ARID1B: variants seen among roughly 807,000 people sequenced by gnomAD.
The protein encoded by ARID1B is AT-rich interactive domain-containing protein 1B.
In ARID1B, 30 loss-of-function variants were observed where a neutral mutation model predicts 212.3. The ratio of observed to expected loss-of-function variants is 0.14; its 90% CI spans 0.11 to 0.19. The LOEUF (loss-of-function observed/expected upper bound fraction) is 0.19. Ranked by LOEUF, ARID1B falls within the 10% of genes least tolerant of loss-of-function variation. The pLI is 1.00. For synonymous variants in ARID1B, 1,402 were observed against 1,301.7 expected (o/e 1.08, Z -1.66); for missense variants, 2,891 against 3,204.0 (o/e 0.90, Z 2.36).
At chr6:157,079,820 AC>A (rs1193343300) in intron 4 of ARID1B, among the ~76,000 whole-genome samples, 1 of 152,214 alleles carries the variant, frequency 6.6e-6, no homozygotes, top group African/African-American at 2.4e-5. Flanking sequence ...AGAAGTCACT[AC>A]CCTTAAGAAG....
chr6:157,141,497 G>A (rs191435670), intron 7 of ARID1B, among the ~76,000 whole-genome samples: 21 of 152,236 alleles, frequency 1.4e-4, no homozygotes, highest in Admixed American at 1.2e-3. Context: ...TGCAACTTGC[G>A]GTAAGTCAGC....
intron 4 of ARID1B, among the ~76,000 whole-genome samples, chr6:157,001,321 A>T (rs1778901111): frequency 6.6e-6 from 1 of 152,168 alleles, no homozygotes; most frequent in Non-Finnish European, 1.5e-5. Context: ...CCGAGATCGA[A>T]TCTGTGTTAA....
At chr6:157,197,669 A>G (rs1583494243) in intron 16 of ARID1B, among the ~76,000 whole-genome samples, 1 of 152,204 alleles carries the variant, frequency 6.6e-6, no homozygotes, top group Admixed American at 6.5e-5. Context: ...CAAGGATTTC[A>G]GTTAGGTTTG....
chr6:156,998,912 C>T (rs1023087841), intron 4 of ARID1B, among the ~76,000 whole-genome samples: 4 of 152,158 alleles, frequency 2.6e-5, no homozygotes, highest in Admixed American at 6.5e-5. Flanking sequence ...GAGAAAATAC[C>T]GTGGAGCCTT....
At chr6:156,900,489 C>G (rs980564085) in intron 2 of ARID1B, among the ~76,000 whole-genome samples, 2 of 152,148 alleles carry the variant, frequency 1.3e-5, no homozygotes, top group African/African-American at 4.8e-5. Flanking sequence ...TTGAAGTTCT[C>G]CAGTGGACCA....
At position 157,201,499 on chromosome 6, in the gene ARID1B, C is replaced by A. The variant is rs1163700949; in HGVS notation, c.5263+11C>A. 6.7e-7 allele frequency: 1 copy of A among 1,493,078 alleles called. No individual in the cohort carries two copies. Among genetic ancestry groups the A allele is most frequent in the South Asian group, 1.4e-5 (1 of 70,812 alleles). 92.5% of individuals were successfully genotyped at this position (1,493,078 alleles called of 1,614,324 possible). ...CCTCCAAAGATATCGGTAAGAATTC[C>A]AAAGCTTTCATTCTGAAATGAATTC... On this transcript the variant is annotated intron_variant, in intron 18 of 19. Transcript: ENST00000636930. The surrounding 1 kb of genome is among the most constrained non-coding windows in gnomAD (Gnocchi z 5.2).
chr6:157,122,443 A>G (rs1198092420), intron 6 of ARID1B, among the ~76,000 whole-genome samples: 1 of 152,246 alleles, frequency 6.6e-6, no homozygotes, highest in Non-Finnish European at 1.5e-5. Flanking sequence ...TATTAGATAT[A>G]CAAAATGTGG....
intron 1 of ARID1B, among the ~76,000 whole-genome samples, chr6:156,809,086 T>C (rs1471071000): frequency 6.6e-6 from 1 of 152,236 alleles, no homozygotes; most frequent in Admixed American, 6.5e-5. Flanking sequence ...CCTAATTTTA[T>C]AAAGTATCAG....
intron 8 of ARID1B, chr6:157,149,432 A>G (rs1790043421): frequency 6.3e-6 from 1 of 158,970 alleles, no homozygotes; most frequent in Non-Finnish European, 1.4e-5. Flanking sequence ...GTGTTTGTCT[A>G]AATGTATATG....
intron 4 of ARID1B, among the ~76,000 whole-genome samples, chr6:156,988,218 G>C (rs528343489): frequency 2.0e-5 from 3 of 152,158 alleles, no homozygotes; most frequent in Non-Finnish European, 4.4e-5. Flanking sequence ...AGTTTAAGGG[G>C]ATAGGATAAA....
intron 4 of ARID1B, among the ~76,000 whole-genome samples, chr6:157,003,680 G>A (rs918073165): frequency 2.6e-5 from 4 of 152,048 alleles, no homozygotes; most frequent in African/African-American, 9.7e-5. Context: ...AAGTAACATC[G>A]AGTCTTCTTA....
At chr6:156,995,972 T>C (rs971243220) in intron 4 of ARID1B, among the ~76,000 whole-genome samples, 4 of 152,160 alleles carry the variant, frequency 2.6e-5, no homozygotes, top group Admixed American at 1.3e-4. Context: ...CCCTGTGATA[T>C]AAGCTGCGGA....
At chr6:156,996,926 A>C (rs879560596) in intron 4 of ARID1B, among the ~76,000 whole-genome samples, 2 of 152,176 alleles carry the variant, frequency 1.3e-5, no homozygotes, top group Non-Finnish European at 2.9e-5. Context: ...TACGACTTAA[A>C]AGTTTCTGAG....
Position 157,208,204 on chromosome 6 carries a change from T to C in ARID1B, c.*313T>C, listed in dbSNP as rs1794604292. On this transcript the variant is annotated 3_prime_UTR_variant, in exon 20 of 20. Transcript: ENST00000636930. Reference sequence around the variant, plus strand: ...CAGATCTTTTTAATGTTCTTTCCCATGTTGTATTGCATTTTTGGGGGAAGC... The same window carrying C: ...CAGATCTTTTTAATGTTCTTTCCCACGTTGTATTGCATTTTTGGGGGAAGC... The C allele has an allele frequency of 3.7e-6, 1 of 272,112 alleles. No homozygotes were observed. The highest frequency in any genetic ancestry group is 5.3e-5 in the Admixed American group (1 of 18,816). The allele number at this position is 272,112 out of a possible 1,614,324, so 16.9% of individuals were successfully genotyped here.
At position 157,171,464 on chromosome 6, in the gene ARID1B, A is replaced by G. The variant is rs1045076464; in HGVS notation, c.3236-2544A>G. 3.9e-5 allele frequency among the ~76,000 whole-genome samples: 6 copies of G among 152,372 alleles called. No individual in the cohort carries two copies. The South Asian group carries it at 1.2e-3, about 32-fold the overall frequency. Reference sequence around the variant, plus strand: ...CTGGAGTCCCATTGCCTTGGGAGGCATATGGCTCGTTTCAGTGATTCCTTG... The same window carrying G: ...CTGGAGTCCCATTGCCTTGGGAGGCGTATGGCTCGTTTCAGTGATTCCTTG... On this transcript the variant is annotated intron_variant, in intron 9 of 19. Coordinates refer to ENST00000636930, the MANE Select transcript of ARID1B (RefSeq NM_001374828.1).
chr6:156,953,090 C>G (rs1793705479), intron 4 of ARID1B, among the ~76,000 whole-genome samples: 1 of 152,208 alleles, frequency 6.6e-6, no homozygotes, highest in Admixed American at 6.5e-5. Context: ...GCTTTATGCA[C>G]TTATTATTAT....
At chr6:156,934,948 A>AGTT (rs1792067158) in intron 3 of ARID1B, among the ~76,000 whole-genome samples, 1 of 91,450 alleles carries the variant, frequency 1.1e-5, no homozygotes, top group African/African-American at 4.1e-5. Flanking sequence ...ATATATATAT[A>AGTT]TATATATATA....
intron 7 of ARID1B, among the ~76,000 whole-genome samples, chr6:157,138,483 C>A (rs556732794): frequency 6.6e-6 from 1 of 152,244 alleles, no homozygotes; most frequent in African/African-American, 2.4e-5. Flanking sequence ...CATGATCCAC[C>A]CACCTCGGCC....
chr6:156,967,757 ATTT>A (rs1469261057), intron 4 of ARID1B, among the ~76,000 whole-genome samples: 1 of 152,148 alleles, frequency 6.6e-6, no homozygotes, highest in African/African-American at 2.4e-5. Context: ...TCAAATTATT[ATTT>A]TTTATAACGT....
Sources: allele counts gnomAD v4.1 joint callset (sites outside exome capture counted in the v4.1 genomes callset), GRCh38; gene constraint gnomAD v4.1.1; non-coding constraint Gnocchi (gnomAD v3.1); transcripts MANE v1.5; gene names NCBI Gene and HGNC (gene_info 2026-07-23, HGNC 2026-07-21).